B4GALT1: variants seen among roughly 807,000 people sequenced by gnomAD.
B4GALT1 encodes the protein N-acetyllactosamine synthase.
A neutral mutation model predicts 34.9 loss-of-function variants in B4GALT1; 16 were observed. That is an observed-to-expected ratio of 0.46 (90% CI 0.31 to 0.70). The LOEUF is 0.70. B4GALT1 is among the 30% of genes least tolerant of loss of function. The pLI is 0.05. For missense variants in B4GALT1, 445 were observed against 530.5 expected (o/e 0.84, Z 1.58); for synonymous variants, 221 against 218.1 (o/e 1.01, Z -0.12).
At chr9:33,163,707 C>A (rs1025658088) in intron 1 of B4GALT1, among the ~76,000 whole-genome samples, 2 of 152,256 alleles carry the variant, frequency 1.3e-5, no homozygotes, top group African/African-American at 4.8e-5. Flanking sequence ...CCCATCTCAG[C>A]AGGCAAACAC....
chr9:33,135,890 A>AGAGAGTGTGT (rs1554686806), intron 1 of B4GALT1, among the ~76,000 whole-genome samples: 5 of 104,046 alleles, frequency 4.8e-5, no homozygotes, highest in African/African-American at 1.7e-4. Context: ...TAACTGGGGA[A>AGAGAGTGTGT]GTGTGTGTGT....
chr9:33,177,914 T>C, the B4GALT1 span, among the ~76,000 whole-genome samples: 13 of 151,758 alleles, frequency 8.6e-5, no homozygotes, highest in African/African-American at 2.9e-4. Context: ...ACAGAGTTGC[T>C]TGGGCCTCTT....
chr9:33,171,543 G>C (rs1442501917), upstream of B4GALT1, among the ~76,000 whole-genome samples: 1 of 152,094 alleles, frequency 6.6e-6, no homozygotes, highest in Non-Finnish European at 1.5e-5. Context: ...GAATAAAACT[G>C]GCTCGGCCTC....
At chr9:33,105,586 A>C (rs1839789820) in intron 2 of B4GALT1, among the ~76,000 whole-genome samples, 1 of 152,084 alleles carries the variant, frequency 6.6e-6, no homozygotes, top group Admixed American at 6.6e-5. Context: ...CATCTTCCCC[A>C]ACTAAAACTC....
At chr9:33,174,984 AAAAAAAATATATATATAT>A in the B4GALT1 span, among the ~76,000 whole-genome samples, 7 of 14,884 alleles carry the variant, frequency 4.7e-4, no homozygotes, top group South Asian at 5.1e-3. Flanking sequence ...AAAAAAAAAA[AAAAAAAATATATATATAT>A]ATATATATAT....
At chr9:33,114,912 C>G (rs1169373066) in intron 4 of B4GALT1, among the ~76,000 whole-genome samples, 1 of 152,184 alleles carries the variant, frequency 6.6e-6, no homozygotes, top group African/African-American at 2.4e-5. Context: ...TGCTCCCTCC[C>G]TCCCCAGCTG....
At chr9:33,148,445 C>T (rs1476602223) in intron 1 of B4GALT1, among the ~76,000 whole-genome samples, 1 of 152,218 alleles carries the variant, frequency 6.6e-6, no homozygotes, top group South Asian at 2.1e-4. Flanking sequence ...CCTGAATCAA[C>T]ATAAACATGC....
the B4GALT1 span, among the ~76,000 whole-genome samples, chr9:33,172,761 A>G: frequency 6.6e-6 from 1 of 152,110 alleles, no homozygotes. Flanking sequence ...ATCTCTAAAA[A>G]ATAAAGATAA....
At chr9:33,119,888 T>C (rs138927975) in intron 3 of B4GALT1, among the ~76,000 whole-genome samples, 1 of 152,206 alleles carries the variant, frequency 6.6e-6, no homozygotes, top group South Asian at 2.1e-4. Context: ...TCCCAAATGC[T>C]AAAAACTGTT....
chr9:33,134,106 G>A (rs1046163537), intron 2 of B4GALT1, among the ~76,000 whole-genome samples: 2 of 152,190 alleles, frequency 1.3e-5, no homozygotes, highest in Non-Finnish European at 2.9e-5. Flanking sequence ...GAGGCTTCGG[G>A]ACAGGGCAGG....
At position 33,111,249 on chromosome 9, in the gene B4GALT1, CCAAAA is replaced by C. The variant is rs1839853941; in HGVS notation, c.*2200_*2204del. ...ATACTTGACATGAATGAGAAGGTAACCAAAAAAAAAAAAAAAAAAAAAAAAAAAAC... is the reference window on the plus strand; with the variant it reads ...ATACTTGACATGAATGAGAAGGTAACAAAAAAAAAAAAAAAAAAAAAAAAC... On this transcript the variant is annotated 3_prime_UTR_variant, in exon 6 of 6. Coordinates refer to ENST00000379731, the MANE Select transcript of B4GALT1 (RefSeq NM_001497.4). 1 of 24,786 alleles carries C rather than the reference CCAAAA, an allele frequency of 4.0e-5. No homozygotes were observed. Among genetic ancestry groups the C allele is most frequent in the Non-Finnish European group, 7.5e-5 (1 of 13,250 alleles). The allele number at this position is 24,786 out of a possible 1,614,324, so 1.5% of individuals were successfully genotyped here. A position where few individuals can be genotyped will look rare whatever the true frequency, so the allele number is the denominator to read the frequency against.
the B4GALT1 span, among the ~76,000 whole-genome samples, chr9:33,184,972 C>G: frequency 3.3e-5 from 5 of 152,136 alleles, no homozygotes; most frequent in Admixed American, 3.3e-4. Flanking sequence ...TGATAGAGAG[C>G]AAACATGTCT....
At chr9:33,109,637 C>CATAA (rs1839832023), downstream of B4GALT1, among the ~76,000 whole-genome samples, 2 of 152,146 alleles carry the variant, frequency 1.3e-5, no homozygotes, top group Admixed American at 1.3e-4. Context: ...GCCCTGTATC[C>CATAA]AAAAAACATT....
the B4GALT1 span, chr9:33,179,176 A>G: frequency 1.3e-5 from 2 of 152,368 alleles, no homozygotes; most frequent in African/African-American, 4.8e-5. Context: ...AAGTCACATG[A>G]CAAAGGGACT....
At chr9:33,179,985 G>A in the B4GALT1 span, 5 of 152,250 alleles carry the variant, frequency 3.3e-5, no homozygotes, top group South Asian at 2.1e-4. Flanking sequence ...CCTTTTCCAC[G>A]TGATGGTCTT....
At chr9:33,110,541 A>G (rs1415428969), downstream of B4GALT1, 1 of 152,176 alleles carries the variant, frequency 6.6e-6, no homozygotes, top group Non-Finnish European at 1.5e-5. Flanking sequence ...CCAGGGAGGC[A>G]TGTGTATTTG....
the B4GALT1 span, among the ~76,000 whole-genome samples, chr9:33,181,590 G>T: frequency 6.6e-6 from 1 of 152,136 alleles, no homozygotes; most frequent in South Asian, 2.1e-4. Context: ...CTATGTGGTT[G>T]GGACAGGCTA....
chr9:33,120,365 G>A (rs1351794124), intron 3 of B4GALT1, 54 bp downstream of exon 3: 2 of 1,598,874 alleles, frequency 1.3e-6, no homozygotes, highest in African/African-American at 1.3e-5. Context: ...GCATTTCCTA[G>A]TCAACACATG....
At chr9:33,131,433 ACCTGCTGT>A (rs1840192606) in intron 2 of B4GALT1, among the ~76,000 whole-genome samples, 2 of 152,226 alleles carry the variant, frequency 1.3e-5, no homozygotes, top group South Asian at 4.1e-4. Context: ...AACCCTTGTG[ACCTGCTGT>A]AAGCGGAAGG....
Sources: allele counts gnomAD v4.1 joint callset (sites outside exome capture counted in the v4.1 genomes callset), GRCh38; gene constraint gnomAD v4.1.1; transcripts MANE v1.5; gene names NCBI Gene and HGNC (gene_info 2026-07-23, HGNC 2026-07-21).